Variants in AATK observed in about 807,000 individuals in gnomAD.
AATK encodes serine/threonine-protein kinase LMTK1.
In AATK, 91 loss-of-function variants were observed where a neutral mutation model predicts 114.3. That is an observed-to-expected ratio of 0.80 (90% CI 0.67 to 0.95). The LOEUF is 0.95. AATK is among the 40% of genes least tolerant of loss of function. The pLI, the probability that AATK is intolerant of heterozygous loss-of-function variation, is 0.00. For synonymous variants in AATK, 1,075 were observed against 916.5 expected, an observed-to-expected ratio of 1.17 and a Z score of -3.12; for missense variants, 2,176 against 1,965.2, an observed-to-expected ratio of 1.11 and a Z score of -2.03.
intron 1 of AATK, among the ~76,000 whole-genome samples, chr17:81,135,139 C>A (rs568755944): frequency 6.6e-6 from 1 of 152,184 alleles, no homozygotes; most frequent in African/African-American, 2.4e-5. Context: ...ATGGGGAAAC[C>A]CCGTTCTGCA....
intron 1 of AATK, among the ~76,000 whole-genome samples, chr17:81,153,275 G>T (rs569073728): frequency 1.3e-5 from 2 of 152,208 alleles, no homozygotes; most frequent in Non-Finnish European, 2.9e-5. Context: ...TTTATTTGAA[G>T]ATGTGGTGGA....
rs566880037 is a variant in AATK at position 81,151,555 on chromosome 17, C to T, written c.55+14383G>A. Among the ~76,000 whole-genome samples the T allele has an allele frequency of 1.0e-3, 153 of 152,220 alleles. 2 individuals are homozygous for T. Among genetic ancestry groups the T allele is most frequent in the African/African-American group, 3.5e-3 (145 of 41,520 alleles). On this transcript the variant is annotated intron_variant, in intron 1 of 13. Transcript: ENST00000326724. ...CCCCATCTGGCTGGTCACTTGGGCC[C>T]ATCTGCCCCCAGCCTCCCAGGACAA...
rs1369774528 is a variant in AATK, at chr17:81,125,013, C to T, written c.757G>A (p.Asp253Asn). The change falls in exon 8 of 14, where the codon GAC becomes AAC. Residue 253 changes from aspartate (D) to asparagine (N), a missense_variant and splice_region_variant. By Grantham distance (23) the Asp-to-Asn change is conservative. Coordinates refer to ENST00000326724, the MANE Select transcript of AATK (RefSeq NM_001080395.3). The stretch of plus-strand genomic sequence containing the variant: ...AGCAGGCAGTTCCGCAGGGCCAGGT[C>T]GCTGCAGGCAGGGGCAGGGGCAGGG... ...HLHRNNFVHSDLALRNCLLTA... is the reference protein window; with the variant it reads ...HLHRNNFVHSNLALRNCLLTA... 2.0e-6 allele frequency: 3 copies of T among 1,482,082 alleles called. No individual in the cohort carries two copies. The highest frequency in any genetic ancestry group is 2.7e-6 in the Non-Finnish European group (3 of 1,107,906). The allele number at this position is 1,482,082 out of a possible 1,614,324, so 91.8% of individuals were successfully genotyped here.
At position 81,122,095 on chromosome 17, in the gene AATK, G is replaced by C. The variant is rs377531479; in HGVS notation, c.1841C>G (p.Ala614Gly). 1.9e-6 allele frequency: 3 copies of C among 1,576,642 alleles called. No homozygotes were observed. Among genetic ancestry groups the C allele is most frequent in the Non-Finnish European group, 2.6e-6 (3 of 1,167,978 alleles). The part of the protein sequence containing the change: ...LCPSRSPSPS[A>G]GPLSLAEGGA... ...TCCCTCCGCCAGACTCAGGGGCCCCGCCGAGGGCGAGGGAGAGCGTGAGGG... is the reference window on the plus strand; with the variant it reads ...TCCCTCCGCCAGACTCAGGGGCCCCCCCGAGGGCGAGGGAGAGCGTGAGGG... The change falls in exon 11 of 14, where the codon GCG (alanine) becomes GGG (glycine). Residue 614 changes from alanine to glycine, a missense_variant. Physicochemically the swap from Ala to Gly is moderately conservative, Grantham distance 60 (BLOSUM62 0). Around this residue, in one of 4 missense-constraint regions of AATK, gnomAD observed 1,701 missense variants for 1,394.7 expected, o/e 1.22. Transcript: ENST00000326724.
intron 3 of AATK, 96 bp from the exon 4 acceptor site, chr17:81,128,645 C>T (rs532632423): frequency 2.1e-4 from 314 of 1,529,324 alleles, no homozygotes; most frequent in Non-Finnish European, 2.5e-4. Flanking sequence ...TTGGCCTTTT[C>T]TGGGAAACTG....
intron 2 of AATK, chr17:81,132,120 A>G (rs531413704): frequency 1.1e-5 from 11 of 963,048 alleles, no homozygotes; most frequent in Non-Finnish European, 1.5e-5. Flanking sequence ...AAAGTCTCCA[A>G]AGTCCTGGGC....
Position 81,119,437 on chromosome 17 carries a change from G to T in AATK, c.4027C>A (p.Pro1343Thr). 1 of 1,522,136 alleles carries T rather than the reference G, an allele frequency of 6.6e-7. No homozygotes were observed. The allele number at this position is 1,522,136 out of a possible 1,614,324, so 94.3% of individuals were successfully genotyped here. ...PFSRFTVSPA[P>T]TSRFSITHVS... ...TGCGTGATGGAGAAGCGGGACGTGG[G>T]CGCGGGCGACACCGTGAAGCGCGAG... Residue 1343 changes from proline to threonine, a missense_variant, in exon 13 of 14, where the codon CCC becomes ACC. Physicochemically the swap from Pro to Thr is conservative, Grantham distance 38. Transcript: ENST00000326724.
chr17:81,118,472 G>C, intron 13 of AATK, 30 bp from the exon 14 acceptor site: 1 of 1,601,400 alleles, frequency 6.2e-7, no homozygotes, highest in East Asian at 2.3e-5. Flanking sequence ...AGTGAACACA[G>C]GGTTCTGAGA....
chr17:81,163,152 C>G (rs2859612), intron 1 of AATK, among the ~76,000 whole-genome samples: 1 of 152,068 alleles, frequency 6.6e-6, no homozygotes, highest in Non-Finnish European at 1.5e-5. Flanking sequence ...AGGCTGAGCG[C>G]GCCTCTCCAG....
chr17:81,157,693 C>T (rs558749862), intron 1 of AATK, among the ~76,000 whole-genome samples: 38 of 152,322 alleles, frequency 2.5e-4, no homozygotes, highest in African/African-American at 9.1e-4. Flanking sequence ...GCATCAGATG[C>T]CCCAGGGCCT....
chr17:81,136,902 C>T (rs750689608), intron 1 of AATK, among the ~76,000 whole-genome samples: 3 of 152,148 alleles, frequency 2.0e-5, no homozygotes, highest in East Asian at 1.9e-4. Context: ...GAAACCACAG[C>T]GGTTCCCATC....
chr17:81,131,222 G>A lies in AATK; in HGVS notation c.190-17C>T. 2.6e-6 allele frequency: 4 copies of A among 1,560,650 alleles called. No individual in the cohort carries two copies. The highest frequency in any genetic ancestry group is 2.3e-5 in the South Asian group (2 of 85,450). On this transcript the variant is annotated splice_polypyrimidine_tract_variant and intron_variant, in intron 2 of 13. Transcript: ENST00000326724. ...CTCAAACTCCTGCGGGCCGGGCCGG[G>A]CATGAGCGGGGCTTCTCGCAGGTCA...
At chr17:81,134,145 C>A (rs1027925937) in intron 2 of AATK, among the ~76,000 whole-genome samples, 11 of 152,202 alleles carry the variant, frequency 7.2e-5, no homozygotes, top group Non-Finnish European at 1.5e-4. Context: ...CCACGCCCCC[C>A]ACAGAGGGCC....
chr17:81,150,659 G>C (rs1248999125), intron 1 of AATK, among the ~76,000 whole-genome samples: 3 of 151,660 alleles, frequency 2.0e-5, no homozygotes, highest in Middle Eastern at 3.4e-3. Context: ...GGGACCTGAG[G>C]CTCCCCCTGG....
In AATK at chr17:81,159,157, G is replaced by A. The variant is rs568260206; in HGVS notation, c.55+6781C>T. On this transcript the variant is annotated intron_variant, in intron 1 of 13. Transcript: ENST00000326724. ...GTGCCATGGCTGCACTCTTGGGAATGCAGGAAAGCCCCAGCTGCTCATTTG... is the reference window on the plus strand; with the variant it reads ...GTGCCATGGCTGCACTCTTGGGAATACAGGAAAGCCCCAGCTGCTCATTTG... Among the ~76,000 whole-genome samples the A allele has an allele frequency of 3.3e-5, 5 of 152,354 alleles. No homozygotes were observed. In the South Asian group the frequency reaches 1.0e-3, roughly 32 times the overall value.
At chr17:81,139,007 A>G (rs962835701) in intron 1 of AATK, among the ~76,000 whole-genome samples, 1 of 146,488 alleles carries the variant, frequency 6.8e-6, no homozygotes, top group Admixed American at 6.7e-5. Flanking sequence ...GCATGCACGC[A>G]CCCCACACAC....
At chr17:81,138,574 GCA>G (rs928498501) in intron 1 of AATK, among the ~76,000 whole-genome samples, 3 of 136,478 alleles carry the variant, frequency 2.2e-5, no homozygotes, top group Non-Finnish European at 4.7e-5. Context: ...ACCCCCACAC[GCA>G]CATACCCACA....
chr17:81,153,205 A>G (rs1353907606), intron 1 of AATK, among the ~76,000 whole-genome samples: 1 of 152,188 alleles, frequency 6.6e-6, no homozygotes, highest in Non-Finnish European at 1.5e-5. Flanking sequence ...AGGAAATTCC[A>G]GAGCTTTCCT....
chr17:81,119,580 C>T lies in AATK; in HGVS notation c.3884G>A (p.Gly1295Asp), dbSNP rs1359224749. 4 of 1,564,454 alleles carry T rather than the reference C, an allele frequency of 2.6e-6. No individual in the cohort carries two copies. The highest frequency in any genetic ancestry group is 3.5e-6 in the Non-Finnish European group (4 of 1,157,780). ...GSPNGSTAEE[G>D]GGFAWDDDFP... ...GTCGTCGTCCCACGCGAACCCACCACCTGCAGCCCAGGTCGCGGCGTCACT... is the reference window on the plus strand; with the variant it reads ...GTCGTCGTCCCACGCGAACCCACCATCTGCAGCCCAGGTCGCGGCGTCACT... Residue 1295 changes from glycine to aspartate, a missense_variant and splice_region_variant, in exon 13 of 14, where the codon GGT (glycine) becomes GAT (aspartate). Gly to Asp is a moderately conservative substitution (Grantham distance 94). This residue lies in a region of AATK where 1,701 missense variants were observed against 1,394.7 expected (regional missense o/e 1.22). Coordinates refer to ENST00000326724, the MANE Select transcript of AATK (RefSeq NM_001080395.3).
Sources: gnomAD v4.1 joint callset for allele counts (sites outside exome capture counted in the v4.1 genomes callset) on GRCh38, gnomAD v4.1.1 for gene constraint, gnomAD v4.1.1 regional missense constraint, MANE v1.5 for transcripts, NCBI Gene and HGNC (gene_info 2026-07-23, HGNC 2026-07-21) for gene names.